The following HS2ST1 variants were observed in gnomAD, a reference collection of about 807,000 sequenced individuals.
HS2ST1 encodes the protein heparan sulfate 2-O-sulfotransferase 1.
Under a neutral mutation model 42.9 loss-of-function variants are expected in HS2ST1, and 18 were observed. The ratio of observed to expected loss-of-function variants is 0.42; its 90% CI spans 0.29 to 0.62. The LOEUF is 0.62. Among genes scored for constraint, HS2ST1 ranks in the 20% least tolerant of loss-of-function variants. The probability of loss-of-function intolerance (pLI) is 0.21; values close to 1 mark genes in which losing one functional copy is unlikely to be tolerated. For synonymous variants in HS2ST1, 146 were observed against 152.9 expected (o/e 0.95, Z 0.33); for missense variants, 334 against 433.8 (o/e 0.77, Z 2.04).
chr1:86,965,827 C>T (rs1248646606), intron 1 of HS2ST1, among the ~76,000 whole-genome samples: 1 of 152,110 alleles, frequency 6.6e-6, no homozygotes, highest in Non-Finnish European at 1.5e-5. Context: ...TTTCTACCCT[C>T]TCAGGAAAAG....
intron 1 of HS2ST1, among the ~76,000 whole-genome samples, chr1:87,040,800 AGCCAGTAG>A (rs1443597519): frequency 1.3e-5 from 2 of 152,192 alleles, no homozygotes. Context: ...GGGGGAAAAA[AGCCAGTAG>A]GCATGTTCTG....
At chr1:87,045,111 G>T in intron 1 of HS2ST1, 1 of 911,314 alleles carries the variant, frequency 1.1e-6, no homozygotes, top group Non-Finnish European at 1.8e-6. Flanking sequence ...TTGCTCTTGA[G>T]CTGTGGAGGT....
intron 5 of HS2ST1, among the ~76,000 whole-genome samples, chr1:87,098,697 T>C (rs1652128241): frequency 6.6e-6 from 1 of 152,234 alleles, no homozygotes; most frequent in African/African-American, 2.4e-5. Context: ...AAAGAATGCC[T>C]TCTCAATTTT....
chr1:86,991,707 G>C (rs1648956671), intron 1 of HS2ST1, among the ~76,000 whole-genome samples: 1 of 152,082 alleles, frequency 6.6e-6, no homozygotes, highest in Admixed American at 6.5e-5. Context: ...ACTTTCCAAG[G>C]CTCTGTTTTC....
chr1:87,059,862 G>A (rs1338521409), intron 1 of HS2ST1, among the ~76,000 whole-genome samples: 1 of 152,124 alleles, frequency 6.6e-6, no homozygotes, highest in African/African-American at 2.4e-5. Context: ...TGTGAATTGG[G>A]AGAGGATTCT....
At chr1:87,099,041 G>T (rs923478218) in intron 5 of HS2ST1, among the ~76,000 whole-genome samples, 14 of 152,304 alleles carry the variant, frequency 9.2e-5, no homozygotes, top group Admixed American at 9.2e-4. Flanking sequence ...GCCTCCCAAA[G>T]TGCTGGGATT....
chr1:86,994,559 T>G (rs1459648031), intron 1 of HS2ST1, among the ~76,000 whole-genome samples: 1 of 152,088 alleles, frequency 6.6e-6, no homozygotes, highest in Non-Finnish European at 1.5e-5. Context: ...ATCCTTTTTT[T>G]GAGGATAATT....
intron 1 of HS2ST1, among the ~76,000 whole-genome samples, chr1:87,049,484 C>CA (rs541324547): frequency 2.7e-4 from 41 of 152,100 alleles, no homozygotes; most frequent in African/African-American, 9.6e-4. Flanking sequence ...TTATTAGGTT[C>CA]AAAATGCTTT....
At chr1:87,064,484 T>A (rs1422397020) in intron 1 of HS2ST1, 1 of 518,756 alleles carries the variant, frequency 1.9e-6, no homozygotes, top group African/African-American at 1.9e-5. Flanking sequence ...CTCTTTTTTA[T>A]AGGATGATTC....
intron 1 of HS2ST1, among the ~76,000 whole-genome samples, chr1:87,009,758 G>C (rs1302596282): frequency 6.6e-6 from 1 of 152,112 alleles, no homozygotes; most frequent in Non-Finnish European, 1.5e-5. Context: ...CTTGAGGCCA[G>C]GTGCGGTGGC....
At chr1:86,954,455 C>T (rs78390749) in intron 1 of HS2ST1, among the ~76,000 whole-genome samples, 56 of 152,224 alleles carry the variant, frequency 3.7e-4, no homozygotes, top group Admixed American at 1.8e-3. Flanking sequence ...TAAAAAAAGA[C>T]GTTGATTTGA....
chr1:86,996,933 TCTC>T (rs1320137623), intron 1 of HS2ST1, among the ~76,000 whole-genome samples: 4 of 152,122 alleles, frequency 2.6e-5, no homozygotes, highest in Admixed American at 6.6e-5. Flanking sequence ...TCAAATGAAT[TCTC>T]CTACTGAAAC....
chr1:87,030,473 G>C (rs1265430086), intron 1 of HS2ST1, among the ~76,000 whole-genome samples: 1 of 152,012 alleles, frequency 6.6e-6, no homozygotes, highest in Non-Finnish European at 1.5e-5. Flanking sequence ...ACTCCAACCT[G>C]GGTGACAGAG....
chr1:87,029,103 G>A (rs898710297), intron 1 of HS2ST1, among the ~76,000 whole-genome samples: 6 of 151,972 alleles, frequency 3.9e-5, no homozygotes, highest in African/African-American at 1.5e-4. Context: ...TAATAAATCT[G>A]GACCAAGTAG....
intron 1 of HS2ST1, chr1:87,046,406 C>T: frequency 1.2e-6 from 1 of 830,018 alleles, no homozygotes; most frequent in Non-Finnish European, 2.1e-6. Flanking sequence ...GCCTGGGAAC[C>T]AACAGAAGCC....
At chr1:87,025,661 TA>T (rs1194911799) in intron 1 of HS2ST1, among the ~76,000 whole-genome samples, 5 of 152,200 alleles carry the variant, frequency 3.3e-5, no homozygotes, top group Non-Finnish European at 7.3e-5. Context: ...TTTCCATCAA[TA>T]ATTTAAGATG....
chr1:86,942,535 C>G (rs1326988017), intron 1 of HS2ST1, among the ~76,000 whole-genome samples: 2 of 152,016 alleles, frequency 1.3e-5, no homozygotes, highest in Non-Finnish European at 2.9e-5. Context: ...TTTTGGAGTT[C>G]TAAATCTAAA....
intron 1 of HS2ST1, among the ~76,000 whole-genome samples, chr1:87,000,119 ACT>A (rs1649239223): frequency 7.5e-6 from 1 of 133,050 alleles, no homozygotes; most frequent in Non-Finnish European, 1.7e-5. Flanking sequence ...AAAAAAAAAA[ACT>A]AAATGAAAAT....
chr1:87,059,066 TAAA>T (rs1443653205), intron 1 of HS2ST1, among the ~76,000 whole-genome samples: 3 of 151,900 alleles, frequency 2.0e-5, no homozygotes, highest in Non-Finnish European at 4.4e-5. Flanking sequence ...CTCAAAAAAA[TAAA>T]AAATGAATAA....
Sources: allele counts gnomAD v4.1 joint callset (sites outside exome capture counted in the v4.1 genomes callset), GRCh38; gene constraint gnomAD v4.1.1; transcripts MANE v1.5; gene names NCBI Gene and HGNC (gene_info 2026-07-23, HGNC 2026-07-21).